LINGO2: variants seen among roughly 807,000 people sequenced by gnomAD.
LINGO2 encodes the protein leucine rich repeat and Ig domain containing 2, also known as leucine-rich repeat and immunoglobulin-like domain-containing nogo receptor-interacting protein 2.
LINGO2 carries 14 observed loss-of-function variants against 30.6 expected under a neutral mutation model. The observed-to-expected ratio is 0.46, with a 90% CI of 0.30 to 0.72. The LOEUF (loss-of-function observed/expected upper bound fraction) is 0.72. LINGO2 is among the 30% of genes least tolerant of loss of function. The pLI is 0.07. For missense variants in LINGO2, 729 were observed against 751.7 expected (o/e 0.97, Z 0.35); for synonymous variants, 317 against 288.5 (o/e 1.10, Z -1.00).
At chr9:28,621,800 C>G (rs1826411175) in intron 1 of LINGO2, among the ~76,000 whole-genome samples, 1 of 151,932 alleles carries the variant, frequency 6.6e-6, no homozygotes, top group African/African-American at 2.4e-5. Context: ...TATGTTTACA[C>G]TATAATATTG....
chr9:27,982,139 A>G (rs1930006), intron 5 of LINGO2, among the ~76,000 whole-genome samples: 61,649 of 151,506 alleles, frequency 0.41, 12,631 homozygotes, highest in East Asian at 0.52. Context: ...CTCCTGAAGT[A>G]TAGGGATTTT....
the LINGO2 span, among the ~76,000 whole-genome samples, chr9:28,974,698 T>C: frequency 1.1e-4 from 16 of 152,104 alleles, no homozygotes; most frequent in African/African-American, 3.1e-4. Context: ...CAGAATTTCA[T>C]AGTAACACCA....
intron 1 of LINGO2, among the ~76,000 whole-genome samples, chr9:28,532,980 G>A (rs999426266): frequency 9.9e-5 from 15 of 152,016 alleles, no homozygotes; most frequent in Admixed American, 4.6e-4. Flanking sequence ...GGTTAATACC[G>A]AGTGTCAACT....
At chr9:28,144,985 TC>T (rs2133515726) in intron 4 of LINGO2, among the ~76,000 whole-genome samples, 1 of 152,306 alleles carries the variant, frequency 6.6e-6, no homozygotes, top group Non-Finnish European at 1.5e-5. Context: ...CAGTATTAAA[TC>T]CTCTGAAAGA....
chr9:29,158,734 G>T, the LINGO2 span, among the ~76,000 whole-genome samples: 1 of 152,054 alleles, frequency 6.6e-6, no homozygotes, highest in African/African-American at 2.4e-5. Context: ...GTCTGTGTGT[G>T]CAAGTGTGTG....
At chr9:28,371,317 A>T (rs1339693986) in intron 3 of LINGO2, among the ~76,000 whole-genome samples, 1 of 152,126 alleles carries the variant, frequency 6.6e-6, no homozygotes, top group African/African-American at 2.4e-5. Flanking sequence ...AAATACCATC[A>T]ATTTAGTGCA....
intron 1 of LINGO2, among the ~76,000 whole-genome samples, chr9:28,526,059 A>AAAAAAAAAAAAAAAAAAAAAAAC: frequency 6.8e-6 from 1 of 147,172 alleles, no homozygotes; most frequent in Non-Finnish European, 1.5e-5. Context: ...CCGTCTCAAA[A>AAAAAAAAAAAAAAAAAAAAAAAC]AAAAAAAAAA....
chr9:29,110,518 G>C, the LINGO2 span, among the ~76,000 whole-genome samples: 1 of 151,366 alleles, frequency 6.6e-6, no homozygotes, highest in South Asian at 2.1e-4. Context: ...ATTTTTAATA[G>C]AGACTGGGTT....
intron 4 of LINGO2, among the ~76,000 whole-genome samples, chr9:28,081,640 A>T (rs1342716221): frequency 6.6e-6 from 1 of 152,218 alleles, no homozygotes; most frequent in South Asian, 2.1e-4. Flanking sequence ...TTAAAATCTC[A>T]GCTCTGCTAC....
intron 4 of LINGO2, among the ~76,000 whole-genome samples, chr9:28,275,228 TTG>T (rs942114723): frequency 2.0e-5 from 3 of 151,816 alleles, no homozygotes; most frequent in African/African-American, 7.3e-5. Context: ...GCCACCACGC[TTG>T]GCTAATTTTT....
At chr9:28,919,368 C>G in the LINGO2 span, among the ~76,000 whole-genome samples, 124 of 152,264 alleles carry the variant, frequency 8.1e-4, 1 homozygote, top group African/African-American at 2.9e-3. Flanking sequence ...AACCTACATG[C>G]CAGTCCCAGG....
chr9:28,023,300 G>A (rs1412816604), intron 4 of LINGO2, among the ~76,000 whole-genome samples: 2 of 152,148 alleles, frequency 1.3e-5, no homozygotes, highest in Non-Finnish European at 2.9e-5. Context: ...AAAGTTTAAT[G>A]TTTATCTGGC....
the LINGO2 span, among the ~76,000 whole-genome samples, chr9:29,187,905 A>C: frequency 6.6e-6 from 1 of 151,138 alleles, no homozygotes; most frequent in Non-Finnish European, 1.5e-5. Context: ...TGATGTCAGC[A>C]TAAGACTGAG....
chr9:29,074,678 C>CTTTTTT, the LINGO2 span, among the ~76,000 whole-genome samples: 11 of 88,024 alleles, frequency 1.2e-4, no homozygotes, highest in Non-Finnish European at 2.0e-4. Context: ...AAATTACTTA[C>CTTTTTT]TTTTTTTTTT....
At chr9:29,004,749 C>T in the LINGO2 span, among the ~76,000 whole-genome samples, 2 of 151,894 alleles carry the variant, frequency 1.3e-5, no homozygotes, top group African/African-American at 2.4e-5. Context: ...ACTAAACATT[C>T]ACATCTACGC....
At chr9:29,136,606 T>A in the LINGO2 span, among the ~76,000 whole-genome samples, 1 of 152,186 alleles carries the variant, frequency 6.6e-6, no homozygotes, top group Non-Finnish European at 1.5e-5. Context: ...TCTGCTAATT[T>A]TCCTCCTTTC....
the LINGO2 span, among the ~76,000 whole-genome samples, chr9:29,179,185 A>G: frequency 2.8e-5 from 3 of 106,166 alleles, no homozygotes; most frequent in African/African-American, 6.6e-5. Flanking sequence ...ATATATATAT[A>G]TATATATATA....
the LINGO2 span, among the ~76,000 whole-genome samples, chr9:28,912,218 G>T: frequency 6.6e-6 from 1 of 152,190 alleles, no homozygotes; most frequent in East Asian, 1.9e-4. Flanking sequence ...AGTGAAAAAT[G>T]AAAACCTGGA....
the LINGO2 span, among the ~76,000 whole-genome samples, chr9:29,203,649 A>G: frequency 6.6e-6 from 1 of 152,192 alleles, no homozygotes; most frequent in African/African-American, 2.4e-5. Context: ...AAGCAGTACC[A>G]CTGCACAGAT....
Sources: gnomAD v4.1 joint callset for allele counts (sites outside exome capture counted in the v4.1 genomes callset) on GRCh38, gnomAD v4.1.1 for gene constraint, MANE v1.5 for transcripts, NCBI Gene and HGNC (gene_info 2026-07-23, HGNC 2026-07-21) for gene names.